Variants in MTFR1 observed in about 807,000 individuals in gnomAD.
MTFR1 encodes chondrocyte protein with a poly-proline region.
Under a neutral mutation model 38.8 loss-of-function variants are expected in MTFR1, and 28 were observed. The observed-to-expected ratio is 0.72, with a 90% confidence interval of 0.53 to 0.99. The LOEUF (loss-of-function observed/expected upper bound fraction) is 0.99, where lower values mean the gene tolerates loss of function less well. Among genes scored for constraint, MTFR1 ranks in the 50% least tolerant of loss-of-function variants. The probability of loss-of-function intolerance (pLI) is 0.00; values close to 1 mark genes in which losing one functional copy is unlikely to be tolerated. For missense variants in MTFR1, 358 were observed against 395.5 expected (o/e 0.91, Z 0.81); for synonymous variants, 145 against 137.0 (o/e 1.06, Z -0.41).
chr8:65,735,475 A>AT (rs1391572326), intron 3 of MTFR1, among the ~76,000 whole-genome samples: 5 of 151,634 alleles, frequency 3.3e-5, no homozygotes, highest in Non-Finnish European at 7.4e-5. Flanking sequence ...TGTCTGGCTC[A>AT]TTTTTTTGTA....
At chr8:65,767,187 C>G (rs906050283) in intron 3 of MTFR1, among the ~76,000 whole-genome samples, 4 of 152,130 alleles carry the variant, frequency 2.6e-5, no homozygotes, top group Non-Finnish European at 5.9e-5. Context: ...CTTTGGGGGA[C>G]AGACACAGGG....
chr8:65,675,088 C>T (rs181389057), intron 2 of MTFR1, among the ~76,000 whole-genome samples: 3 of 152,038 alleles, frequency 2.0e-5, no homozygotes, highest in Admixed American at 6.6e-5. Flanking sequence ...GTTAGCAGTT[C>T]GAGACCAGCC....
intron 3 of MTFR1, chr8:65,739,378 T>C: frequency 9.0e-7 from 1 of 1,108,644 alleles, no homozygotes; most frequent in Non-Finnish European, 1.2e-6. Flanking sequence ...TGTGTTGTTT[T>C]AAGCCACTAA....
intron 3 of MTFR1, among the ~76,000 whole-genome samples, chr8:65,757,403 A>G (rs1808282656): frequency 1.3e-5 from 2 of 152,172 alleles, no homozygotes; most frequent in South Asian, 2.1e-4. Flanking sequence ...AAGAATATAC[A>G]TAATTATTAA....
intron 3 of MTFR1, among the ~76,000 whole-genome samples, chr8:65,692,892 CTT>C (rs569732080): frequency 7.7e-4 from 103 of 132,938 alleles, no homozygotes; most frequent in Admixed American, 1.1e-3. Context: ...TTTGCTTGTT[CTT>C]TTTTTTTTTT....
chr8:65,671,023 T>C lies in MTFR1; in HGVS notation c.66+1005T>C, dbSNP rs147433735. 2.7e-3 allele frequency among the ~76,000 whole-genome samples: 413 copies of C among 152,300 alleles called. 1 individual carries two copies. Among genetic ancestry groups the C allele is most frequent in the African/African-American group, 9.6e-3 (401 of 41,556 alleles). On this transcript the variant is annotated intron_variant, in intron 2 of 7. Transcript: ENST00000262146. Reference sequence around the variant, plus strand: ...TATGGGTATACTTTTTAGTGCACTTTTACTTTTTTGTTTTTGTGCCTGAAC... The same window carrying C: ...TATGGGTATACTTTTTAGTGCACTTCTACTTTTTTGTTTTTGTGCCTGAAC...
downstream of MTFR1, among the ~76,000 whole-genome samples, chr8:65,773,499 A>G (rs545560640): frequency 6.6e-6 from 1 of 152,302 alleles, no homozygotes; most frequent in South Asian, 2.1e-4. Flanking sequence ...AAGCTTCCAC[A>G]TCACTGGATC....
At chr8:65,717,365 G>A (rs541208154) in intron 2 of MTFR1, 11 of 152,280 alleles carry the variant, frequency 7.2e-5, no homozygotes, top group African/African-American at 2.6e-4. Context: ...CTTTAAAAAG[G>A]CCAATGATTG....
chr8:65,726,002 A>C (rs1389417386), intron 3 of MTFR1, among the ~76,000 whole-genome samples: 1 of 152,226 alleles, frequency 6.6e-6, no homozygotes, highest in African/African-American at 2.4e-5. Context: ...AAAATAAAAA[A>C]TAAAGTCCAG....
At chr8:65,712,158 C>G (rs1406694518), downstream of MTFR1, among the ~76,000 whole-genome samples, 1 of 152,210 alleles carries the variant, frequency 6.6e-6, no homozygotes. Flanking sequence ...GCGTATTCCC[C>G]AGGTACTATG....
chr8:65,661,980 CAAAA>C (rs1439505630), intron 1 of MTFR1, among the ~76,000 whole-genome samples: 2 of 150,034 alleles, frequency 1.3e-5, no homozygotes, highest in African/African-American at 2.4e-5. Context: ...AACAAACAAA[CAAAA>C]AGAGCAAAAG....
intron 1 of MTFR1, among the ~76,000 whole-genome samples, chr8:65,650,075 G>T (rs887680416): frequency 2.0e-5 from 3 of 151,864 alleles, no homozygotes; most frequent in African/African-American, 7.3e-5. Context: ...CCGACCTCAG[G>T]TGATCTGCCT....
At chr8:65,652,122 C>T (rs989235973) in intron 1 of MTFR1, among the ~76,000 whole-genome samples, 11 of 151,580 alleles carry the variant, frequency 7.3e-5, no homozygotes, top group African/African-American at 1.2e-4. Context: ...TTTTTTGAGA[C>T]GAAGTCCCAC....
At chr8:65,701,560 A>T (rs537041989) in intron 4 of MTFR1, among the ~76,000 whole-genome samples, 1 of 152,362 alleles carries the variant, frequency 6.6e-6, no homozygotes, top group Non-Finnish European at 1.5e-5. Context: ...TTATAGGTTC[A>T]TAGGGCTTAA....
intron 3 of MTFR1, among the ~76,000 whole-genome samples, chr8:65,741,084 G>A (rs1352299323): frequency 1.3e-5 from 2 of 152,054 alleles, no homozygotes; most frequent in African/African-American, 2.4e-5. Flanking sequence ...TCCCTTCCAT[G>A]GTGTAACTCT....
intron 4 of MTFR1, among the ~76,000 whole-genome samples, chr8:65,703,864 T>G (rs1241322914): frequency 6.6e-6 from 1 of 152,218 alleles, no homozygotes; most frequent in East Asian, 1.9e-4. Flanking sequence ...AATAGCCCTC[T>G]GTTCTTAAGG....
At chr8:65,738,253 A>G (rs775620610) in intron 3 of MTFR1, among the ~76,000 whole-genome samples, 1 of 143,716 alleles carries the variant, frequency 7.0e-6, no homozygotes, top group African/African-American at 2.6e-5. Flanking sequence ...TTTGCTGTAT[A>G]TAAGCAAAAT....
intron 3 of MTFR1, among the ~76,000 whole-genome samples, chr8:65,725,929 A>C (rs1233130885): frequency 6.6e-6 from 1 of 152,194 alleles, no homozygotes; most frequent in African/African-American, 2.4e-5. Flanking sequence ...TACAGCAAAA[A>C]ATGATTTTAC....
intron 3 of MTFR1, among the ~76,000 whole-genome samples, chr8:65,756,338 T>A (rs1808238759): frequency 1.3e-5 from 2 of 152,222 alleles, no homozygotes; most frequent in Non-Finnish European, 2.9e-5. Context: ...TCAAATATTT[T>A]TTTCTGCCCC....
Sources: gnomAD v4.1 joint callset for allele counts (sites outside exome capture counted in the v4.1 genomes callset) on GRCh38, gnomAD v4.1.1 for gene constraint, MANE v1.5 for transcripts, NCBI Gene and HGNC (gene_info 2026-07-23, HGNC 2026-07-21) for gene names.